MLEC: variants seen among roughly 807,000 people sequenced by gnomAD.
MLEC encodes oligosaccharyltransferase complex subunit (non-catalytic).
MLEC carries 7 observed loss-of-function variants against 28.7 expected under a neutral mutation model. That is an observed-to-expected ratio of 0.24 (90% confidence interval 0.14 to 0.46). MLEC has a LOEUF of 0.46. MLEC is among the 20% of genes least tolerant of loss of function. The pLI is 0.99. For missense variants in MLEC, 237 were observed against 391.1 expected (o/e 0.61, Z 3.32); for synonymous variants, 142 against 164.4 (o/e 0.86, Z 1.04).
Position 120,687,416 on chromosome 12 carries a change from G to A in MLEC, c.120G>A (p.Ala40=), listed in dbSNP as rs751909409. 4 of 1,393,938 alleles carry A rather than the reference G, an allele frequency of 2.9e-6. No homozygotes were observed. Among genetic ancestry groups the A allele is most frequent in the Non-Finnish European group, 3.7e-6 (4 of 1,075,246 alleles). The allele number at this position is 1,393,938 out of a possible 1,614,324, so 86.3% of individuals were successfully genotyped here. A position where few individuals can be genotyped will look rare whatever the true frequency, so the allele number is the denominator to read the frequency against. Residue 40 remains alanine (A), a synonymous_variant, in exon 1 of 5, where the codon GCG becomes GCA. Transcript: ENST00000228506. This position sits in a 1 kb window ranked among gnomAD's most constrained non-coding sequence, Gnocchi z 8.1. The part of the protein sequence containing the change: ...GLGVAGVAGA[A]GAGLPESVIW... ...GCGTGGCCGGCGTGGCCGGCGCGGCGGGGGCCGGGCTGCCCGAGAGCGTCA... is the reference window on the plus strand; with the variant it reads ...GCGTGGCCGGCGTGGCCGGCGCGGCAGGGGCCGGGCTGCCCGAGAGCGTCA...
In MLEC at chr12:120,687,180, A is replaced by C. The variant is rs1454498890; in HGVS notation, c.-117A>C. The C allele has an allele frequency of 8.7e-7, 1 of 1,151,526 alleles. No homozygotes were observed. The highest frequency in any genetic ancestry group is 3.2e-5 in the South Asian group (1 of 31,426). The allele number at this position is 1,151,526 out of a possible 1,614,324, so 71.3% of individuals were successfully genotyped here. On this transcript the variant is annotated 5_prime_UTR_variant, in exon 1 of 5. An upstream start codon of the reference 5' UTR is lost. Coordinates refer to ENST00000228506, the MANE Select transcript of MLEC (RefSeq NM_014730.4). This position sits in a 1 kb window ranked among gnomAD's most constrained non-coding sequence, Gnocchi z 8.1. ...GAGAAGAAGGAGGCCTGAGAGCGAC[A>C]TGTCCCCGGCGGCTCAGGCGGAGCG...
intron 1 of MLEC, among the ~76,000 whole-genome samples, chr12:120,692,680 C>T (rs1306961141): frequency 1.2e-4 from 18 of 149,572 alleles, no homozygotes; most frequent in Non-Finnish European, 1.5e-5. Flanking sequence ...CAGCCCCTGG[C>T]CTTCTCCCAA....
intron 1 of MLEC, among the ~76,000 whole-genome samples, chr12:120,693,370 G>A (rs1310212194): frequency 2.6e-5 from 4 of 152,236 alleles, no homozygotes; most frequent in Non-Finnish European, 5.9e-5. Flanking sequence ...CACTGGAGGT[G>A]CAGTGGTGAC....
chr12:120,695,321 G>A (rs746511456), intron 4 of MLEC, among the ~76,000 whole-genome samples, 169 bp downstream of exon 4: 1 of 152,216 alleles, frequency 6.6e-6, no homozygotes. Flanking sequence ...CTAGCCACAA[G>A]CTTTGGAGTC....
In MLEC at chr12:120,696,274, TA is replaced by T; in HGVS notation, c.650-39del. 6.2e-7 allele frequency: 1 copy of T among 1,607,328 alleles called. No individual in the cohort carries two copies. Among genetic ancestry groups the T allele is most frequent in the Non-Finnish European group, 8.5e-7 (1 of 1,176,694 alleles). On this transcript the variant is annotated intron_variant, in intron 4 of 4. Transcript: ENST00000228506. The surrounding 1 kb of genome is among the most constrained non-coding windows in gnomAD (Gnocchi z 5.4). Reference sequence around the variant, plus strand: ...GCTGCTTTTAAGGGTCTCTCTTACTTAAATGCTGTGGGTCTTAACAGTGTTT... The same window carrying T: ...GCTGCTTTTAAGGGTCTCTCTTACTTAATGCTGTGGGTCTTAACAGTGTTT...
chr12:120,695,222 A>G, intron 4 of MLEC, 70 bp downstream of exon 4: 1 of 1,541,622 alleles, frequency 6.5e-7, no homozygotes, highest in African/African-American at 1.4e-5. Flanking sequence ...CTTGGGAGGT[A>G]ATTGAGCTGA....
chr12:120,696,901 A>G lies in MLEC; in HGVS notation c.*356A>G. The G allele has an allele frequency of 4.2e-6, 1 of 240,812 alleles. No individual in the cohort carries two copies. Among genetic ancestry groups the G allele is most frequent in the Non-Finnish European group, 8.1e-6 (1 of 123,060 alleles). The allele number at this position is 240,812 out of a possible 1,614,324, so 14.9% of individuals were successfully genotyped here. The stretch of plus-strand genomic sequence containing the variant: ...TCACTGTTCCTTTTTTTAGGTTAGA[A>G]ATTAACAGCAGGGAAATGCCATCTT... On this transcript the variant is annotated 3_prime_UTR_variant, in exon 5 of 5. Transcript: ENST00000228506. This position sits in a 1 kb window ranked among gnomAD's most constrained non-coding sequence, Gnocchi z 5.4.
At chr12:120,692,123 G>A (rs947902562) in intron 1 of MLEC, among the ~76,000 whole-genome samples, 5 of 152,150 alleles carry the variant, frequency 3.3e-5, no homozygotes, top group African/African-American at 1.2e-4. Flanking sequence ...TTGCGCCATT[G>A]CACTCCAGCT....
rs771884129 is a variant in MLEC at position 120,687,478 on chromosome 12, A to G, written c.182A>G (p.Asp61Gly). Reference sequence around the variant, plus strand: ...AACGCGGGTGGAGAGGCGCATGTGGACGTGCACGGGATCCACTTCCGCAAG... The same window carrying G: ...AACGCGGGTGGAGAGGCGCATGTGGGCGTGCACGGGATCCACTTCCGCAAG... ...AVNAGGEAHVDVHGIHFRKDP... is the reference protein window; with the variant it reads ...AVNAGGEAHVGVHGIHFRKDP... Residue 61 changes from aspartate (D) to glycine (G), a missense_variant, in exon 1 of 5, where the codon GAC becomes GGC. Asp to Gly is a moderately conservative substitution (Grantham distance 94). Coordinates refer to ENST00000228506, the MANE Select transcript of MLEC (RefSeq NM_014730.4). The surrounding 1 kb of genome is among the most constrained non-coding windows in gnomAD (Gnocchi z 8.1). The G allele has an allele frequency of 6.9e-7, 1 of 1,439,962 alleles. No homozygotes were observed. Among genetic ancestry groups the G allele is most frequent in the Non-Finnish European group, 9.1e-7 (1 of 1,095,750 alleles). 89.2% of individuals were successfully genotyped at this position (1,439,962 alleles called of 1,614,324 possible).
intron 1 of MLEC, among the ~76,000 whole-genome samples, chr12:120,689,749 A>T (rs536568120): frequency 6.6e-6 from 1 of 152,286 alleles, no homozygotes; most frequent in South Asian, 2.1e-4. Flanking sequence ...ATTTACACTG[A>T]TTGCAGTAGG....
chr12:120,694,032 CTTTGCTT>C lies in MLEC; in HGVS notation c.236-56_236-50del. On this transcript the variant is annotated intron_variant, in intron 1 of 4. Coordinates refer to ENST00000228506, the MANE Select transcript of MLEC (RefSeq NM_014730.4). The surrounding 1 kb of genome is among the most constrained non-coding windows in gnomAD (Gnocchi z 4.5). The stretch of plus-strand genomic sequence containing the variant: ...GAAATGCCTCTGGCTGTTCTGGGGT[CTTTGCTT>C]TTCTTTTGTGTCTTGCCTCTGATGT... 2 of 1,523,148 alleles carry C rather than the reference CTTTGCTT, an allele frequency of 1.3e-6. No individual in the cohort carries two copies. The highest frequency in any genetic ancestry group is 1.8e-6 in the Non-Finnish European group (2 of 1,121,246). 94.4% of individuals were successfully genotyped at this position (1,523,148 alleles called of 1,614,324 possible). A position where few individuals can be genotyped will look rare whatever the true frequency, so the allele number is the denominator to read the frequency against.
intron 1 of MLEC, among the ~76,000 whole-genome samples, chr12:120,693,258 A>G (rs768376943): frequency 5.9e-5 from 9 of 152,384 alleles, no homozygotes; most frequent in Admixed American, 1.3e-4. Flanking sequence ...CCTTGTGGAC[A>G]GAGTGGCATG....
At chr12:120,688,504 T>C (rs1258274781) in intron 1 of MLEC, among the ~76,000 whole-genome samples, 1 of 152,218 alleles carries the variant, frequency 6.6e-6, no homozygotes, top group Non-Finnish European at 1.5e-5. Flanking sequence ...TTGGAGGGAT[T>C]GGAAAACAGG....
At chr12:120,688,679 A>G (rs984084259) in intron 1 of MLEC, among the ~76,000 whole-genome samples, 1 of 152,220 alleles carries the variant, frequency 6.6e-6, no homozygotes, top group African/African-American at 2.4e-5. Context: ...TTTTACTAAA[A>G]TAGTTAGTTC....
intron 4 of MLEC, among the ~76,000 whole-genome samples, chr12:120,695,757 C>T (rs1413387245): frequency 2.0e-5 from 3 of 152,180 alleles, no homozygotes; most frequent in South Asian, 4.1e-4. Flanking sequence ...TACCTTTCCC[C>T]AACTCAATCT....
chr12:120,695,434 G>A (rs546326789), intron 4 of MLEC, among the ~76,000 whole-genome samples: 1 of 152,106 alleles, frequency 6.6e-6, no homozygotes, highest in Non-Finnish European at 1.5e-5. Context: ...ACCTATTGGT[G>A]TACCCTGACC....
chr12:120,689,663 G>A (rs1881965119), intron 1 of MLEC, among the ~76,000 whole-genome samples: 1 of 152,242 alleles, frequency 6.6e-6, no homozygotes, highest in African/African-American at 2.4e-5. Flanking sequence ...AAGTCCAGCT[G>A]TTCACACTGC....
chr12:120,693,572 A>G (rs1882117086), intron 1 of MLEC, among the ~76,000 whole-genome samples: 1 of 152,240 alleles, frequency 6.6e-6, no homozygotes, highest in South Asian at 2.1e-4. Flanking sequence ...CTGGAATTTT[A>G]TTCGTAAGGA....
chr12:120,698,808 T>C lies in MLEC; in HGVS notation c.*2263T>C, dbSNP rs867949690. ...GGTACTGTAAGCCAAGCAGCTTTGC[T>C]TCTGCCTCTGTTTCCAAGCCCACCC... On this transcript the variant is annotated 3_prime_UTR_variant, in exon 5 of 5. Transcript: ENST00000228506. 1 of 152,690 alleles carries C rather than the reference T, an allele frequency of 6.5e-6. No homozygotes were observed. The highest frequency in any genetic ancestry group is 1.9e-4 in the East Asian group (1 of 5,208). The allele number at this position is 152,690 out of a possible 1,614,324, so 9.5% of individuals were successfully genotyped here. A position where few individuals can be genotyped will look rare whatever the true frequency, so the allele number is the denominator to read the frequency against.
Sources: allele counts gnomAD v4.1 joint callset (sites outside exome capture counted in the v4.1 genomes callset), GRCh38; gene constraint gnomAD v4.1.1; non-coding constraint Gnocchi (gnomAD v3.1); transcripts MANE v1.5; gene names NCBI Gene and HGNC (gene_info 2026-07-23, HGNC 2026-07-21).